Variants in SLC7A14 observed in about 807,000 individuals in gnomAD.
The protein encoded by SLC7A14 is gamma-aminobutyric acid transporter SLC7A14.
SLC7A14 carries 37 observed loss-of-function variants against 60.2 expected under a neutral mutation model. The ratio of observed to expected loss-of-function variants is 0.61; its 90% CI spans 0.47 to 0.81. The LOEUF (loss-of-function observed/expected upper bound fraction) is 0.81. Among genes scored for constraint, SLC7A14 ranks in the 30% least tolerant of loss-of-function variants. The pLI, the probability that SLC7A14 is intolerant of heterozygous loss-of-function variation, is 0.00. For synonymous variants in SLC7A14, 399 were observed against 395.8 expected (o/e 1.01, Z -0.10); for missense variants, 886 against 982.7 (o/e 0.90, Z 1.32).
At position 170,541,790 on chromosome 3, in the gene SLC7A14, T is replaced by A. The variant is rs547919078; in HGVS notation, c.-152-14702A>T. 3.9e-5 allele frequency among the ~76,000 whole-genome samples: 6 copies of A among 152,326 alleles called. No homozygotes were observed. In the South Asian group the frequency reaches 1.2e-3, roughly 32 times the overall value. On this transcript the variant is annotated intron_variant, in intron 1 of 7. Transcript: ENST00000231706. Reference sequence around the variant, plus strand: ...GTGCAAGAGTAATTGCAATTAAAATTGCAAAAAACCACAGTTACTCTTGCA... The same window carrying A: ...GTGCAAGAGTAATTGCAATTAAAATAGCAAAAAACCACAGTTACTCTTGCA...
chr3:170,564,500 G>C (rs542181528), intron 1 of SLC7A14, among the ~76,000 whole-genome samples: 1 of 152,168 alleles, frequency 6.6e-6, no homozygotes, highest in Non-Finnish European at 1.5e-5. Context: ...GGACACAGGG[G>C]TCTCCCTCCA....
intron 1 of SLC7A14, among the ~76,000 whole-genome samples, chr3:170,537,594 C>T (rs532298805): frequency 7.2e-5 from 11 of 152,274 alleles, no homozygotes; most frequent in East Asian, 1.9e-4. Flanking sequence ...TGAAAACACT[C>T]GGCTGAGCAT....
chr3:170,507,175 C>G (rs951524271), intron 2 of SLC7A14, among the ~76,000 whole-genome samples: 2 of 151,104 alleles, frequency 1.3e-5, no homozygotes, highest in African/African-American at 4.9e-5. Flanking sequence ...ACCTACTTAT[C>G]AGCTCATTTA....
At position 170,526,680 on chromosome 3, in the gene SLC7A14, C is replaced by A. The variant is rs1713515445; in HGVS notation, c.257G>T (p.Gly86Val). 6.2e-7 allele frequency: 1 copy of A among 1,614,126 alleles called. No homozygotes were observed. The highest frequency in any genetic ancestry group is 1.7e-5 in the Admixed American group (1 of 60,014). Reference protein sequence around the residue: ...GLVAKEMAGPGVIVSFIIAAV... With the variant: ...GLVAKEMAGPVVIVSFIIAAV... ...TGCAATGATGAAGGACACAATGACA[C>A]CAGGTCCTGCCATTTCCTTGGCCAC... The change falls in exon 2 of 8, where the codon GGT (glycine) becomes GTT (valine). Residue 86 changes from glycine to valine, a missense_variant. Gly to Val is a moderately radical substitution (Grantham distance 109, BLOSUM62 -3). Transcript: ENST00000231706.
At chr3:170,577,767 A>T (rs1259952947) in intron 1 of SLC7A14, among the ~76,000 whole-genome samples, 2 of 152,244 alleles carry the variant, frequency 1.3e-5, no homozygotes, top group Non-Finnish European at 2.9e-5. Flanking sequence ...TGTATATTTG[A>T]CTACTGTCAG....
intron 1 of SLC7A14, 140 bp from the exon 2 acceptor site, chr3:170,527,228 T>A (rs368345592): frequency 6.5e-5 from 28 of 430,516 alleles, no homozygotes; most frequent in African/African-American, 5.5e-4. Context: ...GGTTCCATGG[T>A]TCCACTCTCC....
intron 7 of SLC7A14, among the ~76,000 whole-genome samples, chr3:170,477,813 C>G (rs556152890): frequency 6.6e-6 from 1 of 152,268 alleles, no homozygotes; most frequent in South Asian, 2.1e-4. Context: ...GAAAATATTA[C>G]CAATGGAATG....
At position 170,493,319 on chromosome 3, in the gene SLC7A14, G is replaced by A. The variant is rs563939655; in HGVS notation, c.759+5348C>T. ...AACCATTCCTTAAGCTATTTTCTTT[G>A]GAAGGAAGTGTTTGGAGCAGGGGAA... On this transcript the variant is annotated intron_variant, in intron 4 of 7. Coordinates refer to ENST00000231706, the MANE Select transcript of SLC7A14 (RefSeq NM_020949.3). 6.6e-5 allele frequency among the ~76,000 whole-genome samples: 10 copies of A among 152,306 alleles called. No individual in the cohort carries two copies. The South Asian group carries it at 2.1e-3, about 32-fold the overall frequency.
chr3:170,483,205 C>T (rs1711891567), intron 6 of SLC7A14, 109 bp downstream of exon 6: 1 of 1,283,462 alleles, frequency 7.8e-7, no homozygotes, highest in Non-Finnish European at 1.1e-6. Context: ...GTCCACAGTC[C>T]ATGTGAAAGG....
intron 4 of SLC7A14, among the ~76,000 whole-genome samples, chr3:170,492,042 G>C (rs1422834648): frequency 2.6e-5 from 4 of 152,190 alleles, no homozygotes; most frequent in Non-Finnish European, 4.4e-5. Flanking sequence ...ATGGTCCCTG[G>C]TTGGTAAATA....
chr3:170,470,738 G>A (rs1739876405), intron 7 of SLC7A14, among the ~76,000 whole-genome samples: 2 of 151,708 alleles, frequency 1.3e-5, no homozygotes, highest in South Asian at 4.2e-4. Context: ...AGGGAGGGAG[G>A]GAGAGAGAGA....
chr3:170,530,819 G>A (rs1401199731), intron 1 of SLC7A14, among the ~76,000 whole-genome samples: 1 of 152,196 alleles, frequency 6.6e-6, no homozygotes, highest in Non-Finnish European at 1.5e-5. Flanking sequence ...TATGCAGGAG[G>A]GAGAAAAATT....
At chr3:170,511,561 C>T (rs1321584034) in intron 2 of SLC7A14, among the ~76,000 whole-genome samples, 3 of 152,090 alleles carry the variant, frequency 2.0e-5, no homozygotes, top group African/African-American at 7.2e-5. Flanking sequence ...CAGTTCCTGA[C>T]ATATGTTAGG....
rs150491468 is a variant in SLC7A14 at position 170,506,001 on chromosome 3, C to T, written c.305-4656G>A. On this transcript the variant is annotated intron_variant, in intron 2 of 7. Coordinates refer to ENST00000231706, the MANE Select transcript of SLC7A14 (RefSeq NM_020949.3). ...AATCATATTTGCCTTATGCTATTAT[C>T]GAAGTGATTTTACATTTTGTGGTTA... is the stretch of plus-strand genomic sequence containing the variant. Among the ~76,000 whole-genome samples the T allele has an allele frequency of 2.3e-3, 357 of 152,228 alleles. 1 individual carries two copies. The highest frequency in any genetic ancestry group is 3.5e-3 in the Non-Finnish European group (241 of 68,012).
chr3:170,564,016 A>G (rs1388793438), intron 1 of SLC7A14, among the ~76,000 whole-genome samples: 2 of 152,162 alleles, frequency 1.3e-5, no homozygotes, highest in Non-Finnish European at 2.9e-5. Flanking sequence ...TATAAGAGCT[A>G]TGTGTGGGTG....
rs142598311 is a variant in SLC7A14, at chr3:170,555,103, G to A, written c.-152-28015C>T. ...GAATTGCTTGGACCTGGGAAGCGGA[G>A]GTTGCAGTGAGCCAAGATCACACCA... On this transcript the variant is annotated intron_variant, in intron 1 of 7. Coordinates refer to ENST00000231706, the MANE Select transcript of SLC7A14 (RefSeq NM_020949.3). 4.1e-3 allele frequency among the ~76,000 whole-genome samples: 621 copies of A among 151,970 alleles called. 5 individuals carry two copies. Among genetic ancestry groups the A allele is most frequent in the African/African-American group, 0.014 (600 of 41,438 alleles).
chr3:170,529,416 TG>T (rs1713609239), intron 1 of SLC7A14, among the ~76,000 whole-genome samples: 1 of 152,376 alleles, frequency 6.6e-6, no homozygotes, highest in East Asian at 1.9e-4. Context: ...GTGGCTTCAG[TG>T]TTTTTATTCA....
Position 170,532,197 on chromosome 3 carries a change from A to G in SLC7A14, c.-152-5109T>C, listed in dbSNP as rs535760175. Among the ~76,000 whole-genome samples the G allele has an allele frequency of 1.4e-4, 22 of 152,152 alleles. No individual in the cohort carries two copies. The highest frequency in any genetic ancestry group is 5.1e-4 in the African/African-American group (21 of 41,418). ...AAGCAGCCCTTTCACGTGGTGGGAC[A>G]GTTAGGATTGCTACAAGATTCTTTT... On this transcript the variant is annotated intron_variant, in intron 1 of 7. Coordinates refer to ENST00000231706, the MANE Select transcript of SLC7A14 (RefSeq NM_020949.3). This position sits in a 1 kb window ranked among gnomAD's most constrained non-coding sequence, Gnocchi z 4.0.
intron 1 of SLC7A14, among the ~76,000 whole-genome samples, chr3:170,572,960 G>C (rs1057275931): frequency 1.3e-5 from 2 of 152,184 alleles, no homozygotes; most frequent in African/African-American, 4.8e-5. Context: ...GCCTCTTTTA[G>C]AGGTAGCAAT....
Sources: gnomAD v4.1 joint callset for allele counts (sites outside exome capture counted in the v4.1 genomes callset) on GRCh38, gnomAD v4.1.1 for gene constraint, Gnocchi (gnomAD v3.1) non-coding constraint, MANE v1.5 for transcripts, NCBI Gene and HGNC (gene_info 2026-07-23, HGNC 2026-07-21) for gene names.